RASSF3: variants seen among roughly 807,000 people sequenced by gnomAD.
The protein encoded by RASSF3 is ras association domain-containing protein 3.
In RASSF3, 19 loss-of-function variants were observed where a neutral mutation model predicts 19.9. The observed-to-expected ratio is 0.96, with a 90% CI of 0.67 to 1.40. RASSF3 has a LOEUF of 1.40. Ranked by LOEUF, RASSF3 falls within the 40% of genes most tolerant of loss-of-function variation. The pLI, the probability that RASSF3 is intolerant of heterozygous loss-of-function variation, is 0.00. For synonymous variants in RASSF3, 110 were observed against 104.2 expected (o/e 1.06, Z -0.34); for missense variants, 306 against 289.8 (o/e 1.06, Z -0.41).
chr12:64,650,930 G>A (rs1565861145), intron 1 of RASSF3, among the ~76,000 whole-genome samples: 1 of 152,198 alleles, frequency 6.6e-6, no homozygotes, highest in Admixed American at 6.5e-5. Context: ...TTGTGCATGC[G>A]CGATTGTATG....
At chr12:64,613,501 T>A (rs1487872012) in intron 1 of RASSF3, among the ~76,000 whole-genome samples, 1 of 152,100 alleles carries the variant, frequency 6.6e-6, no homozygotes, top group Non-Finnish European at 1.5e-5. Flanking sequence ...GGAAATTTCT[T>A]TCTTCTCTTG....
downstream of RASSF3, among the ~76,000 whole-genome samples, chr12:64,543,447 C>CCCCCGCTCCCCGCCTGCCCCCCCGCG: frequency 1.6e-5 from 1 of 62,832 alleles, no homozygotes; most frequent in Admixed American, 1.5e-4. Context: ...CCCCCGTGCC[C>CCCCCGCTCCCCGCCTGCCCCCCCGCG]GCCCGCCCCC....
intron 2 of RASSF3, among the ~76,000 whole-genome samples, chr12:64,588,259 C>A (rs1262840677): frequency 6.6e-6 from 1 of 152,148 alleles, no homozygotes; most frequent in South Asian, 2.1e-4. Flanking sequence ...AAAGTGAATT[C>A]TTGAATTGTC....
Position 64,677,894 on chromosome 12 carries a change from T to C in RASSF3, c.112-6893T>C, listed in dbSNP as rs189248148. Among the ~76,000 whole-genome samples, 54 of 152,348 alleles carry C rather than the reference T, an allele frequency of 3.5e-4. No homozygotes were observed. In the East Asian group the frequency reaches 9.8e-3, roughly 28 times the overall value. ...TAACTTCACATGCTGAAATTTTCTT[T>C]TGAAATTTCCTTTGAAACCCCCACA... On this transcript the variant is annotated intron_variant, in intron 1 of 4. Coordinates refer to ENST00000542104, the MANE Select transcript of RASSF3 (RefSeq NM_178169.4).
upstream of RASSF3, among the ~76,000 whole-genome samples, chr12:64,531,346 T>A (rs1176849610): frequency 6.6e-6 from 1 of 152,238 alleles, no homozygotes; most frequent in African/African-American, 2.4e-5. Flanking sequence ...TTACCTTTAT[T>A]GAAAATCAGT....
At chr12:64,604,999 T>C (rs1422958815) in intron 2 of RASSF3, among the ~76,000 whole-genome samples, 1 of 149,140 alleles carries the variant, frequency 6.7e-6, no homozygotes, top group Admixed American at 6.7e-5. Flanking sequence ...TTTTTATTTT[T>C]TTTTTAGGCA....
chr12:64,578,504 A>G (rs1158187077), intron 2 of RASSF3, among the ~76,000 whole-genome samples: 1 of 152,140 alleles, frequency 6.6e-6, no homozygotes, highest in East Asian at 1.9e-4. Flanking sequence ...AAATGAAAAA[A>G]TTAATTTAGT....
At chr12:64,620,759 A>G (rs1327523803) in intron 1 of RASSF3, among the ~76,000 whole-genome samples, 4 of 152,140 alleles carry the variant, frequency 2.6e-5, no homozygotes, top group Non-Finnish European at 4.4e-5. Context: ...ATGGAATTTT[A>G]CTAATTATGA....
At chr12:64,541,582 G>C (rs1008713463) in exon 2 of RASSF3, 2 of 398,582 alleles carry the variant, frequency 5.0e-6, no homozygotes, top group Admixed American at 4.4e-5. Context: ...CTCTTTCAGA[G>C]GGTAAATATA....
intron 4 of RASSF3, among the ~76,000 whole-genome samples, chr12:64,691,829 G>T (rs933942896): frequency 3.5e-5 from 5 of 142,412 alleles, no homozygotes; most frequent in African/African-American, 1.3e-4. Flanking sequence ...CATTTTCAGA[G>T]GTGGGAGAAA....
At chr12:64,509,295 C>T (rs1053543923) in intron 1 of RASSF3, among the ~76,000 whole-genome samples, 1 of 151,900 alleles carries the variant, frequency 6.6e-6, no homozygotes, top group Non-Finnish European at 1.5e-5. Context: ...ACTAAAAATA[C>T]AAAAATTAGC....
At chr12:64,646,002 C>G (rs1024157569) in intron 1 of RASSF3, among the ~76,000 whole-genome samples, 4 of 152,210 alleles carry the variant, frequency 2.6e-5, no homozygotes, top group Non-Finnish European at 5.9e-5. Flanking sequence ...TGCACTCTTG[C>G]AGCTGACATC....
At chr12:64,652,433 T>C (rs1871994974) in intron 1 of RASSF3, among the ~76,000 whole-genome samples, 1 of 145,956 alleles carries the variant, frequency 6.9e-6, no homozygotes, top group African/African-American at 2.5e-5. Context: ...TCCTCTTTCT[T>C]ACTTAGACTG....
intron 2 of RASSF3, among the ~76,000 whole-genome samples, chr12:64,597,585 T>C (rs1302865978): frequency 6.6e-6 from 1 of 151,916 alleles, no homozygotes; most frequent in Non-Finnish European, 1.5e-5. Flanking sequence ...GCCTTCCTAG[T>C]GGCTGGGATT....
In RASSF3 at chr12:64,610,533, G is replaced by C. The variant is rs1393684665; in HGVS notation, c.-100G>C. On this transcript the variant is annotated 5_prime_UTR_variant, in exon 1 of 5. Coordinates refer to ENST00000542104, the MANE Select transcript of RASSF3 (RefSeq NM_178169.4). Reference sequence around the variant, plus strand: ...CCGCAGCTGCATAAGGACTGCCCGGGGCTGCGCGCCGGGAACCTCGCGGGG... The same window carrying C: ...CCGCAGCTGCATAAGGACTGCCCGGCGCTGCGCGCCGGGAACCTCGCGGGG... 4.6e-6 allele frequency: 2 copies of C among 438,008 alleles called. No individual in the cohort carries two copies. Among genetic ancestry groups the C allele is most frequent in the Admixed American group, 4.8e-5 (1 of 20,818 alleles). The allele number at this position is 438,008 out of a possible 1,614,324, so 27.1% of individuals were successfully genotyped here.
chr12:64,680,734 C>T (rs1403204902), intron 1 of RASSF3, among the ~76,000 whole-genome samples: 1 of 152,050 alleles, frequency 6.6e-6, no homozygotes, highest in African/African-American at 2.4e-5. Context: ...CTACCTCAGC[C>T]TCCCAAGTAG....
chr12:64,689,945 C>G (rs993672520), intron 3 of RASSF3, among the ~76,000 whole-genome samples: 1 of 151,040 alleles, frequency 6.6e-6, no homozygotes, highest in Non-Finnish European at 1.5e-5. Flanking sequence ...CCCGCCACCA[C>G]GTCTGGCTAA....
At chr12:64,671,037 G>GGT (rs1250519835) in intron 1 of RASSF3, among the ~76,000 whole-genome samples, 1 of 152,094 alleles carries the variant, frequency 6.6e-6, no homozygotes, top group Non-Finnish European at 1.5e-5. Context: ...AGTTGTGAAG[G>GGT]GTGTGGCATG....
intron 1 of RASSF3, among the ~76,000 whole-genome samples, chr12:64,627,667 A>G (rs1369097579): frequency 1.3e-5 from 2 of 152,204 alleles, no homozygotes; most frequent in Admixed American, 6.5e-5. Context: ...CACTAAAATG[A>G]GTTTCTTTTG....
Sources: gnomAD v4.1 joint callset for allele counts (sites outside exome capture counted in the v4.1 genomes callset) on GRCh38, gnomAD v4.1.1 for gene constraint, MANE v1.5 for transcripts, NCBI Gene and HGNC (gene_info 2026-07-23, HGNC 2026-07-21) for gene names.